DOT1L: variants seen among roughly 807,000 people sequenced by gnomAD.
DOT1L encodes histone-lysine N-methyltransferase, H3 lysine-79 specific.
DOT1L carries 33 observed loss-of-function variants against 153.3 expected under a neutral mutation model. The observed-to-expected ratio is 0.22, with a 90% confidence interval of 0.16 to 0.29. The LOEUF (loss-of-function observed/expected upper bound fraction) is 0.29. DOT1L is among the 10% of genes least tolerant of loss of function. The probability of loss-of-function intolerance (pLI) is 1.00; values close to 1 mark genes in which losing one functional copy is unlikely to be tolerated. For synonymous variants in DOT1L, 1,135 were observed against 965.1 expected, an observed-to-expected ratio of 1.18 and a Z score of -3.26; for missense variants, 1,847 against 2,119.9, an observed-to-expected ratio of 0.87 and a Z score of 2.53.
intron 16 of DOT1L, 89 bp downstream of exon 16, chr19:2,211,931 C>A: frequency 7.7e-7 from 1 of 1,297,752 alleles, no homozygotes; most frequent in Non-Finnish European, 1.0e-6. Flanking sequence ...GGCAGAGGCC[C>A]TGGAGCGCAG....
chr19:2,184,267 C>T (rs1196589713), intron 2 of DOT1L, among the ~76,000 whole-genome samples: 1 of 152,080 alleles, frequency 6.6e-6, no homozygotes, highest in Non-Finnish European at 1.5e-5. Flanking sequence ...GGTCCCCTGC[C>T]GGTGTTGGCC....
In DOT1L at chr19:2,216,610, C is replaced by A. The variant is rs1263747891; in HGVS notation, c.2253C>A (p.Thr751=). 1 of 1,607,340 alleles carries A rather than the reference C, an allele frequency of 6.2e-7. No individual in the cohort carries two copies. The highest frequency in any genetic ancestry group is 8.5e-7 in the Non-Finnish European group (1 of 1,179,930). ...SPLDQEVVPC[T]PSHVGRPRLE... The stretch of plus-strand genomic sequence containing the variant: ...TGGACCAGGAGGTGGTGCCCTGTAC[C>A]CCTAGCCACGTCGGCCGGCCGCGCC... Residue 751 remains threonine (T), a synonymous_variant, in exon 20 of 28, where the codon ACC becomes ACA. Transcript: ENST00000398665.
rs200176281 is a variant in DOT1L, at chr19:2,199,937, G to A, written c.705G>A (p.Thr235=). ...AGTGGAGGGAGCGAATCGCCAACACGAGGTATGGCCAGCGTGGGGCATGCA... is the reference window on the plus strand; with the variant it reads ...AGTGGAGGGAGCGAATCGCCAACACAAGGTATGGCCAGCGTGGGGCATGCA... ...SEEWRERIAN[T]SVIFVNNFAF... The change falls in exon 8 of 28, where the codon ACG becomes ACA. Residue 235 remains threonine (T), a splice_region_variant and synonymous_variant. Transcript: ENST00000398665. 6.2e-7 allele frequency: 1 copy of A among 1,613,952 alleles called. No homozygotes were observed. Among genetic ancestry groups the A allele is most frequent in the African/African-American group, 1.3e-5 (1 of 75,046 alleles).
intron 1 of DOT1L, among the ~76,000 whole-genome samples, chr19:2,168,958 T>C (rs1412951846): frequency 6.6e-6 from 1 of 152,064 alleles, no homozygotes; most frequent in East Asian, 1.9e-4. Context: ...CTTCTTCTAG[T>C]GGGAAGGGCA....
Position 2,226,986 on chromosome 19 carries a change from G to A in DOT1L, c.4465G>A (p.Ala1489Thr), listed in dbSNP as rs2144938546. ...MSLQANLGSV[A>T]GSSVLQSLFS... ...CCTGCAGGCCAACCTCGGCTCCGTGGCCGGCTCCTCCGTGCTGCAGTCGCT... is the reference window on the plus strand; with the variant it reads ...CCTGCAGGCCAACCTCGGCTCCGTGACCGGCTCCTCCGTGCTGCAGTCGCT... Residue 1489 changes from alanine (A) to threonine (T), a missense_variant, in exon 27 of 28, where the codon GCC (alanine) becomes ACC (threonine). Ala to Thr is a moderately conservative substitution (Grantham distance 58, BLOSUM62 0). Transcript: ENST00000398665. 1.9e-6 allele frequency: 3 copies of A among 1,591,592 alleles called. No individual in the cohort carries two copies. The highest frequency in any genetic ancestry group is 2.5e-6 in the Non-Finnish European group (3 of 1,176,634).
chr19:2,199,826 C>A (rs1568347367), intron 7 of DOT1L, 58 bp from the exon 8 acceptor site: 1 of 1,320,308 alleles, frequency 7.6e-7, no homozygotes, highest in Admixed American at 2.0e-5. Context: ...AGGGGCTGGG[C>A]GGGCTGGGAG....
chr19:2,225,450 A>G lies in DOT1L; in HGVS notation c.3659A>G (p.Asn1220Ser), dbSNP rs1354139921. ...ESKSPPKTLE[N>S]GGGLAGRKPA... ...AAATCTCCCCCGAAAACCTTGGAAAATGGTGAGTAACAAGTGTTTTGCGGC... is the reference window on the plus strand; with the variant it reads ...AAATCTCCCCCGAAAACCTTGGAAAGTGGTGAGTAACAAGTGTTTTGCGGC... The change falls in exon 26 of 28, where the codon AAT becomes AGT. Residue 1220 changes from asparagine (N) to serine (S), a missense_variant and splice_region_variant. By Grantham distance (46) the Asn-to-Ser change is conservative. This residue lies in a region of DOT1L where 934 missense variants were observed against 825.3 expected (regional missense o/e 1.13). Transcript: ENST00000398665. The G allele has an allele frequency of 3.7e-6, 6 of 1,613,986 alleles. No homozygotes were observed. In the Admixed American group the frequency reaches 1.0e-4, roughly 27 times the overall value.
intron 27 of DOT1L, chr19:2,227,770 C>T (rs865815417): frequency 3.0e-6 from 4 of 1,320,294 alleles, no homozygotes; most frequent in Non-Finnish European, 4.0e-6. Context: ...TCCGCCTCTG[C>T]TCATCCGTTT....
In DOT1L at chr19:2,226,745, C is replaced by G. The variant is rs2024350878; in HGVS notation, c.4224C>G (p.Gly1408=). ...GPTDKTPLLS[G]KAAKARDREV... ...CGGACAAGACCCCACTGCTGAGCGG[C>G]AAGGCCGCCAAGGCCCGGGACCGCG... is the stretch of plus-strand genomic sequence containing the variant. Residue 1408 remains glycine, a synonymous_variant, in exon 27 of 28, where the codon GGC becomes GGG. Coordinates refer to ENST00000398665, the MANE Select transcript of DOT1L (RefSeq NM_032482.3). 6.4e-7 allele frequency: 1 copy of G among 1,555,846 alleles called. No individual in the cohort carries two copies. The highest frequency in any genetic ancestry group is 1.2e-5 in the South Asian group (1 of 83,036).
At chr19:2,180,482 T>C (rs1169427386) in intron 1 of DOT1L, among the ~76,000 whole-genome samples, 1 of 152,116 alleles carries the variant, frequency 6.6e-6, no homozygotes, top group Non-Finnish European at 1.5e-5. Context: ...GCTCGCTGCC[T>C]GTAGTAGGAC....
intron 2 of DOT1L, among the ~76,000 whole-genome samples, chr19:2,183,531 G>A (rs777132430): frequency 2.6e-5 from 4 of 152,126 alleles, no homozygotes; most frequent in African/African-American, 4.8e-5. Context: ...CTCCAGAAAA[G>A]CTAGCTGGGC....
chr19:2,222,598 G>C lies in DOT1L; in HGVS notation c.3390+39G>C. 1 of 1,494,774 alleles carries C rather than the reference G, an allele frequency of 6.7e-7. No individual in the cohort carries two copies. 92.6% of individuals were successfully genotyped at this position (1,494,774 alleles called of 1,614,324 possible). On this transcript the variant is annotated intron_variant, in intron 24 of 27. Coordinates refer to ENST00000398665, the MANE Select transcript of DOT1L (RefSeq NM_032482.3). The surrounding 1 kb of genome is among the most constrained non-coding windows in gnomAD (Gnocchi z 6.5). The stretch of plus-strand genomic sequence containing the variant: ...CCGGCAGGGCTGGGGAGCGCGGCCT[G>C]TGAAAGAAAGACCAGAGGGAGACCG...
intron 7 of DOT1L, among the ~76,000 whole-genome samples, chr19:2,199,642 G>A (rs2023162843): frequency 6.6e-6 from 1 of 152,186 alleles, no homozygotes; most frequent in Admixed American, 6.5e-5. Flanking sequence ...TCCCCAAGCG[G>A]ATGCTGGAGC....
At position 2,226,570 on chromosome 19, in the gene DOT1L, C is replaced by T. The variant is rs777538090; in HGVS notation, c.4049C>T (p.Pro1350Leu). 13 of 1,600,272 alleles carry T rather than the reference C, an allele frequency of 8.1e-6. No homozygotes were observed. Among genetic ancestry groups the T allele is most frequent in the East Asian group, 2.2e-5 (1 of 44,816 alleles). ...CCCGAGGCGGCCGGCCTGAGCTCCCCGCTGAGCTTCCCCTCGCAGCGCGGC... is the reference window on the plus strand; with the variant it reads ...CCCGAGGCGGCCGGCCTGAGCTCCCTGCTGAGCTTCCCCTCGCAGCGCGGC... ...KGPEAAGLSSPLSFPSQRGKE... is the reference protein window; with the variant it reads ...KGPEAAGLSSLLSFPSQRGKE... Residue 1350 changes from proline to leucine, a missense_variant, in exon 27 of 28, where the codon CCG (proline) becomes CTG (leucine). Coordinates refer to ENST00000398665, the MANE Select transcript of DOT1L (RefSeq NM_032482.3).
chr19:2,176,602 A>G (rs1269604225), intron 1 of DOT1L, among the ~76,000 whole-genome samples: 1 of 152,164 alleles, frequency 6.6e-6, no homozygotes, highest in Non-Finnish European at 1.5e-5. Context: ...CTGTTCCAGT[A>G]AGGCCTGCGC....
rs1044140987 is a variant in DOT1L, at chr19:2,222,681, A to G, written c.3390+122A>G. 6.3e-6 allele frequency: 6 copies of G among 955,512 alleles called. No individual in the cohort carries two copies. In the African/African-American group the frequency reaches 9.9e-5, roughly 16 times the overall value. The allele number at this position is 955,512 out of a possible 1,614,324, so 59.2% of individuals were successfully genotyped here. A position where few individuals can be genotyped will look rare whatever the true frequency, so the allele number is the denominator to read the frequency against. Reference sequence around the variant, plus strand: ...TTTGGGAGGCCGAGGCGGGTGGATCACAAGATCAGGACATCAAGACCATCC... The same window carrying G: ...TTTGGGAGGCCGAGGCGGGTGGATCGCAAGATCAGGACATCAAGACCATCC... On this transcript the variant is annotated intron_variant, in intron 24 of 27. Coordinates refer to ENST00000398665, the MANE Select transcript of DOT1L (RefSeq NM_032482.3). The surrounding 1 kb of genome is among the most constrained non-coding windows in gnomAD (Gnocchi z 6.5).
At chr19:2,194,490 G>A (rs118010194) in intron 6 of DOT1L, 25 bp from the exon 7 acceptor site, 17,030 of 1,613,768 alleles carry the variant, frequency 0.011, 113 homozygotes, top group Non-Finnish European at 0.013. Context: ...AGTTTGTAAC[G>A]GGCGTTTGGT....
intron 22 of DOT1L, among the ~76,000 whole-genome samples, chr19:2,218,433 G>T (rs974554797): frequency 2.0e-5 from 3 of 151,766 alleles, no homozygotes; most frequent in Admixed American, 2.0e-4. Context: ...TCACTCTGTC[G>T]CCCAGGCTGG....
At chr19:2,171,639 C>A (rs999942317) in intron 1 of DOT1L, among the ~76,000 whole-genome samples, 6 of 152,172 alleles carry the variant, frequency 3.9e-5, no homozygotes, top group Non-Finnish European at 2.9e-5. Flanking sequence ...GCTCCGTGTT[C>A]GTGTACATGC....
Sources: gnomAD v4.1 joint callset for allele counts (sites outside exome capture counted in the v4.1 genomes callset) on GRCh38, gnomAD v4.1.1 for gene constraint, gnomAD v4.1.1 regional missense constraint, Gnocchi (gnomAD v3.1) non-coding constraint, MANE v1.5 for transcripts, NCBI Gene and HGNC (gene_info 2026-07-23, HGNC 2026-07-21) for gene names.